Variants in ITSN1 observed in about 807,000 individuals in gnomAD.
ITSN1 encodes the protein intersectin 1.
ITSN1 carries 58 observed loss-of-function variants against 239.8 expected under a neutral mutation model. The ratio of observed to expected loss-of-function variants is 0.24; its 90% confidence interval spans 0.20 to 0.30. The LOEUF (loss-of-function observed/expected upper bound fraction) is 0.30, where lower values mean the gene tolerates loss of function less well. Ranked by LOEUF, ITSN1 falls within the 10% of genes least tolerant of loss-of-function variation. The pLI is 1.00. For synonymous variants in ITSN1, 780 were observed against 770.8 expected (o/e 1.01, Z -0.20); for missense variants, 1,558 against 2,103.3 (o/e 0.74, Z 5.07).
rs981683057 is a variant in ITSN1, at chr21:33,895,831, G to A, written c.*7531G>A. On this transcript the variant is annotated 3_prime_UTR_variant, in exon 40 of 40. Transcript: ENST00000381318. ...TCCACAGTCCTGTCATCCTGGTCAG[G>A]ACTAGTCGCGTGGTTTGCGGACAGA... 1 of 152,286 alleles carries A rather than the reference G, an allele frequency of 6.6e-6. No individual in the cohort carries two copies. Among genetic ancestry groups the A allele is most frequent in the African/African-American group, 2.4e-5 (1 of 41,446 alleles). 9.4% of individuals were successfully genotyped at this position (152,286 alleles called of 1,614,324 possible). A position where few individuals can be genotyped will look rare whatever the true frequency, so the allele number is the denominator to read the frequency against.
chr21:33,846,321 A>C (rs1297287074), intron 29 of ITSN1, among the ~76,000 whole-genome samples: 2 of 152,054 alleles, frequency 1.3e-5, no homozygotes, highest in African/African-American at 4.8e-5. Flanking sequence ...ACTTGTAACA[A>C]CTCAGCTCTT....
At chr21:33,654,319 G>T (rs1365945365) in intron 1 of ITSN1, among the ~76,000 whole-genome samples, 3 of 151,076 alleles carry the variant, frequency 2.0e-5, no homozygotes, top group African/African-American at 7.3e-5. Flanking sequence ...GCCTCCCCAA[G>T]TGCTGGGCTT....
chr21:33,800,586 T>A (rs1197233895), intron 19 of ITSN1, among the ~76,000 whole-genome samples: 9 of 152,108 alleles, frequency 5.9e-5, no homozygotes. Context: ...CAGAAAATAG[T>A]TTAGAATTTT....
At chr21:33,879,464 A>C (rs915775860) in intron 34 of ITSN1, among the ~76,000 whole-genome samples, 2 of 152,236 alleles carry the variant, frequency 1.3e-5, no homozygotes, top group African/African-American at 4.8e-5. Flanking sequence ...GCTGCAGGGC[A>C]GGCTGAGGCC....
At chr21:33,840,333 GGTTT>G (rs1204539006) in intron 29 of ITSN1, among the ~76,000 whole-genome samples, 3 of 151,910 alleles carry the variant, frequency 2.0e-5, no homozygotes, top group Admixed American at 6.6e-5. Context: ...GTCAGGTTTT[GGTTT>G]GTTTGTTCTT....
chr21:33,695,309 A>C (rs1390913092), intron 1 of ITSN1, among the ~76,000 whole-genome samples: 1 of 152,248 alleles, frequency 6.6e-6, no homozygotes, highest in Admixed American at 6.5e-5. Context: ...AGGTTGACCT[A>C]AAGTAAACTG....
intron 29 of ITSN1, 84 bp downstream of exon 29, chr21:33,836,716 T>C: frequency 1.7e-6 from 2 of 1,169,878 alleles, no homozygotes; most frequent in Non-Finnish European, 2.5e-6. Context: ...CTGCTGAGCT[T>C]TGTTTGCAGA....
chr21:33,717,759 G>A (rs1569011723), intron 1 of ITSN1, among the ~76,000 whole-genome samples: 1 of 151,982 alleles, frequency 6.6e-6, no homozygotes, highest in Non-Finnish European at 1.5e-5. Flanking sequence ...AGTAGAGATG[G>A]GGTTTTACCG....
intron 28 of ITSN1, among the ~76,000 whole-genome samples, chr21:33,836,108 C>T (rs1428681584): frequency 6.6e-6 from 1 of 152,278 alleles, no homozygotes; most frequent in South Asian, 2.1e-4. Context: ...TTGGGCTGGT[C>T]TTTCCAGAGT....
intron 1 of ITSN1, among the ~76,000 whole-genome samples, chr21:33,683,846 T>G (rs1449815161): frequency 2.0e-5 from 3 of 152,232 alleles, no homozygotes; most frequent in Non-Finnish European, 2.9e-5. Flanking sequence ...TTTTAATATT[T>G]GTAGTTGCTA....
At chr21:33,878,436 A>G (rs1984369539) in intron 34 of ITSN1, among the ~76,000 whole-genome samples, 1 of 152,090 alleles carries the variant, frequency 6.6e-6, no homozygotes, top group Admixed American at 6.5e-5. Flanking sequence ...CTGTATACAC[A>G]TGTGCTTGTG....
At chr21:33,757,631 T>C (rs1230556050) in intron 8 of ITSN1, among the ~76,000 whole-genome samples, 2 of 152,206 alleles carry the variant, frequency 1.3e-5, no homozygotes, top group African/African-American at 2.4e-5. Context: ...AGCTGATTTG[T>C]TGAGGTGGAT....
At position 33,653,329 on chromosome 21, in the gene ITSN1, A is replaced by G. The variant is rs1454189564; in HGVS notation, c.-33+10616A>G. ...AAGTTCTGAGTTTAGTTAGCTGTTCAGTGAATGTTTGAGTACACGCTGTAT... is the reference window on the plus strand; with the variant it reads ...AAGTTCTGAGTTTAGTTAGCTGTTCGGTGAATGTTTGAGTACACGCTGTAT... On this transcript the variant is annotated intron_variant, in intron 1 of 39. Coordinates refer to ENST00000381318, the MANE Select transcript of ITSN1 (RefSeq NM_003024.3). Among the ~76,000 whole-genome samples the G allele has an allele frequency of 2.0e-5, 3 of 152,014 alleles. No individual in the cohort carries two copies. In the East Asian group the frequency reaches 5.8e-4, roughly 29 times the overall value.
chr21:33,681,080 C>G (rs999595477), intron 1 of ITSN1, among the ~76,000 whole-genome samples: 6 of 152,184 alleles, frequency 3.9e-5, no homozygotes, highest in African/African-American at 1.4e-4. Context: ...TGGCCAAAAG[C>G]AAGTCACGTG....
chr21:33,679,764 C>T (rs903275839), intron 1 of ITSN1, among the ~76,000 whole-genome samples: 36 of 122,188 alleles, frequency 2.9e-4, no homozygotes, highest in African/African-American at 1.1e-3. Context: ...AGTGCAGTGG[C>T]AGAGCTCACT....
In ITSN1 at chr21:33,856,787, G is replaced by A. The variant is rs201178787; in HGVS notation, c.3713G>A (p.Arg1238Gln). The A allele has an allele frequency of 5.6e-6, 9 of 1,613,940 alleles. No individual in the cohort carries two copies. The highest frequency in any genetic ancestry group is 1.6e-4 in the Middle Eastern group (1 of 6,084). ...LDMLTPTERK[R>Q]QGYIHELIVT... is the part of the protein sequence containing the mutation. ...ATGTTGACCCCAACTGAAAGAAAGC[G>A]ACAAGGATACATCCACGAGCTCATT... The change falls in exon 30 of 40, where the codon CGA becomes CAA. Residue 1238 changes from arginine to glutamine, a missense_variant. Around this residue, in one of 2 missense-constraint regions of ITSN1, gnomAD observed 576 missense variants for 893.3 expected, o/e 0.64. Transcript: ENST00000381318.
chr21:33,888,626 C>A lies in ITSN1; in HGVS notation c.*326C>A. On this transcript the variant is annotated 3_prime_UTR_variant, in exon 40 of 40. Coordinates refer to ENST00000381318, the MANE Select transcript of ITSN1 (RefSeq NM_003024.3). The stretch of plus-strand genomic sequence containing the variant: ...CCCTTCCCGGGCTTGAGGGATGGGT[C>A]TGGTTACTATAAAATAGATTTATAA... The A allele has an allele frequency of 4.7e-6, 1 of 213,694 alleles. No homozygotes were observed. The allele number at this position is 213,694 out of a possible 1,614,324, so 13.2% of individuals were successfully genotyped here. A position where few individuals can be genotyped will look rare whatever the true frequency, so the allele number is the denominator to read the frequency against.
chr21:33,768,654 A>C (rs2068892300), intron 11 of ITSN1, among the ~76,000 whole-genome samples: 1 of 152,226 alleles, frequency 6.6e-6, no homozygotes, highest in South Asian at 2.1e-4. Context: ...GGTGGCTATG[A>C]ATTATTAATG....
chr21:33,660,860 CCT>C lies in ITSN1; in HGVS notation c.-33+18148_-33+18149del, dbSNP rs749759041. ...CTATACTTTGAATGGCTATTTTACCCCTGTTTGATTTGACCAATACATACAAC... is the reference window on the plus strand; with the variant it reads ...CTATACTTTGAATGGCTATTTTACCCGTTTGATTTGACCAATACATACAAC... On this transcript the variant is annotated intron_variant, in intron 1 of 39. Transcript: ENST00000381318. Among the ~76,000 whole-genome samples the C allele has an allele frequency of 3.9e-5, 6 of 152,050 alleles. No homozygotes were observed. In the East Asian group the frequency reaches 5.8e-4, roughly 15 times the overall value.
Sources: allele counts gnomAD v4.1 joint callset (sites outside exome capture counted in the v4.1 genomes callset), GRCh38; gene constraint gnomAD v4.1.1; regional missense constraint gnomAD v4.1.1; transcripts MANE v1.5; gene names NCBI Gene and HGNC (gene_info 2026-07-23, HGNC 2026-07-21).